Variants in TRHDE observed in about 807,000 individuals in gnomAD.
TRHDE encodes thyrotropin releasing hormone degrading enzyme.
TRHDE carries 72 observed loss-of-function variants against 125.7 expected under a neutral mutation model. That is an observed-to-expected ratio of 0.57 (90% confidence interval 0.47 to 0.70). The LOEUF (loss-of-function observed/expected upper bound fraction) is 0.70. Among genes scored for constraint, TRHDE ranks in the 30% least tolerant of loss-of-function variants. The pLI, the probability that TRHDE is intolerant of heterozygous loss-of-function variation, is 0.00. For missense variants in TRHDE, 1,110 were observed against 1,327.1 expected, an observed-to-expected ratio of 0.84 and a Z score of 2.54; for synonymous variants, 509 against 509.1, an observed-to-expected ratio of 1.00 and a Z score of 0.00.
intron 2 of TRHDE, among the ~76,000 whole-genome samples, chr12:72,288,838 T>C (rs1879987549): frequency 1.3e-5 from 2 of 152,136 alleles, no homozygotes. Context: ...ATTTAAAAAT[T>C]CCTGCTTAAT....
intron 2 of TRHDE, among the ~76,000 whole-genome samples, chr12:72,173,359 C>T (rs1225332714): frequency 6.6e-6 from 1 of 152,152 alleles, no homozygotes; most frequent in Non-Finnish European, 1.5e-5. Flanking sequence ...TGCTCACCAG[C>T]TATCTGACTA....
At chr12:72,461,434 A>G (rs1876119630) in intron 3 of TRHDE, among the ~76,000 whole-genome samples, 1 of 152,174 alleles carries the variant, frequency 6.6e-6, no homozygotes, top group Non-Finnish European at 1.5e-5. Flanking sequence ...TTTTATAAAT[A>G]TTAGTTATGG....
chr12:72,375,056 A>T (rs1871811573), intron 2 of TRHDE, among the ~76,000 whole-genome samples: 1 of 152,148 alleles, frequency 6.6e-6, no homozygotes, highest in African/African-American at 2.4e-5. Context: ...AATTTGGGGA[A>T]CTGTGCCTTT....
At chr12:72,447,082 C>T (rs534754486) in intron 3 of TRHDE, among the ~76,000 whole-genome samples, 18 of 152,254 alleles carry the variant, frequency 1.2e-4, no homozygotes, top group African/African-American at 3.6e-4. Context: ...AGCACTGCAT[C>T]GCACTTATTC....
intron 5 of TRHDE, among the ~76,000 whole-genome samples, chr12:72,473,720 TA>T (rs1036000497): frequency 6.6e-6 from 1 of 152,066 alleles, no homozygotes; most frequent in African/African-American, 2.4e-5. Context: ...TTTTGTGCCT[TA>T]AGCTGTGCTG....
intron 2 of TRHDE, among the ~76,000 whole-genome samples, chr12:72,344,649 G>T (rs1391993227): frequency 6.6e-6 from 1 of 152,158 alleles, no homozygotes; most frequent in Non-Finnish European, 1.5e-5. Context: ...ATAGTCTGGT[G>T]TGCTGTTGGT....
intron 2 of TRHDE, among the ~76,000 whole-genome samples, chr12:72,300,475 TAGA>T (rs1382598304): frequency 6.6e-6 from 1 of 151,700 alleles, no homozygotes; most frequent in Non-Finnish European, 1.5e-5. Context: ...TATATACACA[TAGA>T]CATATACATG....
At chr12:72,513,803 G>A (rs1359784558) in intron 6 of TRHDE, among the ~76,000 whole-genome samples, 1 of 151,940 alleles carries the variant, frequency 6.6e-6, no homozygotes, top group East Asian at 1.9e-4. Flanking sequence ...AAGAAAATAA[G>A]ACAAAGCCGA....
chr12:72,244,772 A>ATATATTGTTAT, intron 2 of TRHDE, among the ~76,000 whole-genome samples: 1 of 152,134 alleles, frequency 6.6e-6, no homozygotes, highest in Non-Finnish European at 1.5e-5. Flanking sequence ...TGAAAATGTA[A>ATATATTGTTAT]GTTCAGAGAA....
intron 3 of TRHDE, among the ~76,000 whole-genome samples, chr12:72,456,426 A>T (rs56983376): frequency 6.6e-6 from 1 of 152,174 alleles, no homozygotes; most frequent in Non-Finnish European, 1.5e-5. Flanking sequence ...CTTTCATTTT[A>T]ATAACTATTT....
intron 2 of TRHDE, among the ~76,000 whole-genome samples, chr12:72,339,470 T>A (rs1186015871): frequency 6.6e-6 from 1 of 152,114 alleles, no homozygotes; most frequent in Non-Finnish European, 1.5e-5. Flanking sequence ...CCGTTTACGT[T>A]TTTTGGGGGT....
intron 7 of TRHDE, among the ~76,000 whole-genome samples, chr12:72,555,123 C>A (rs1258670060): frequency 6.6e-6 from 1 of 152,166 alleles, no homozygotes; most frequent in African/African-American, 2.4e-5. Context: ...CTTATTCTTA[C>A]AAAATTTACA....
At chr12:72,165,548 T>A (rs1002084133) in intron 2 of TRHDE, among the ~76,000 whole-genome samples, 2 of 152,186 alleles carry the variant, frequency 1.3e-5, no homozygotes, top group African/African-American at 4.8e-5. Flanking sequence ...TAGATTTATG[T>A]GTATATACTA....
rs1325349781 is a variant in TRHDE at position 72,090,935 on chromosome 12, A to G, written n.174+3496A>G. 5.9e-5 allele frequency among the ~76,000 whole-genome samples: 9 copies of G among 152,000 alleles called. No individual in the cohort carries two copies. In the East Asian group the frequency reaches 1.7e-3, roughly 29 times the overall value. ...CCCTAGGCTGGAGTACAGTGGCACA[A>G]TCATAGCTCACTGCAACCTCTAACT... On this transcript the variant is annotated intron_variant and non_coding_transcript_variant, in intron 1 of 4. Coordinates refer to the TRHDE transcript ENST00000548156.
chr12:72,515,638 T>G (rs1027772145), intron 6 of TRHDE, among the ~76,000 whole-genome samples: 3 of 152,094 alleles, frequency 2.0e-5, no homozygotes, highest in African/African-American at 4.8e-5. Flanking sequence ...AGAAGCTCTT[T>G]AGTTTAATTA....
chr12:72,145,530 T>C (rs1876207764), intron 2 of TRHDE, among the ~76,000 whole-genome samples: 1 of 152,194 alleles, frequency 6.6e-6, no homozygotes, highest in Non-Finnish European at 1.5e-5. Context: ...TCTCTTGAAG[T>C]TTCATAGATG....
intron 2 of TRHDE, among the ~76,000 whole-genome samples, chr12:72,374,078 T>C (rs1172771692): frequency 1.3e-5 from 2 of 152,208 alleles, no homozygotes; most frequent in Non-Finnish European, 1.5e-5. Flanking sequence ...GGAGAAGGCA[T>C]GGACCAGGGT....
chr12:72,520,170 C>A (rs1175347768), intron 6 of TRHDE, among the ~76,000 whole-genome samples: 3 of 152,236 alleles, frequency 2.0e-5, no homozygotes, highest in African/African-American at 7.2e-5. Flanking sequence ...GGGCTCCACC[C>A]AGTTCCAGCT....
intron 12 of TRHDE, among the ~76,000 whole-genome samples, chr12:72,605,295 C>T: frequency 6.6e-6 from 1 of 152,092 alleles, no homozygotes; most frequent in Non-Finnish European, 1.5e-5. Context: ...AATTCTGAAA[C>T]TCTTTGTAGG....
Sources: gnomAD v4.1 joint callset for allele counts (sites outside exome capture counted in the v4.1 genomes callset) on GRCh38, gnomAD v4.1.1 for gene constraint, MANE v1.5 for transcripts, NCBI Gene and HGNC (gene_info 2026-07-23, HGNC 2026-07-21) for gene names.